HDAC9: variants seen among roughly 807,000 people sequenced by gnomAD.
HDAC9 encodes histone deacetylase 9.
A neutral mutation model predicts 139.4 loss-of-function variants in HDAC9; 41 were observed. The observed-to-expected ratio is 0.29, with a 90% CI of 0.23 to 0.38. The LOEUF (loss-of-function observed/expected upper bound fraction) is 0.38. Among genes scored for constraint, HDAC9 ranks in the 10% least tolerant of loss-of-function variants. The pLI is 1.00. For synonymous variants in HDAC9, 517 were observed against 476.2 expected (o/e 1.09, Z -1.12); for missense variants, 1,147 against 1,297.0 (o/e 0.88, Z 1.78).
upstream of HDAC9, among the ~76,000 whole-genome samples, chr7:18,285,655 T>C (rs680882): frequency 6.6e-6 from 1 of 151,830 alleles, no homozygotes; most frequent in East Asian, 1.9e-4. Flanking sequence ...AAAATGTTAA[T>C]GTTTCATAAT....
intron 1 of HDAC9, among the ~76,000 whole-genome samples, chr7:18,485,379 T>C (rs1377267211): frequency 1.3e-5 from 2 of 151,828 alleles, no homozygotes; most frequent in Non-Finnish European, 2.9e-5. Flanking sequence ...GAATGGTTTG[T>C]TTAGCAGCCT....
At position 18,757,069 on chromosome 7, in the gene HDAC9, G is replaced by GT. The variant is rs200979434; in HGVS notation, c.2044-5079dup. 4.6e-3 allele frequency among the ~76,000 whole-genome samples: 697 copies of GT among 150,918 alleles called. 5 individuals carry two copies. Among genetic ancestry groups the GT allele is most frequent in the African/African-American group, 0.014 (559 of 41,104 alleles). The stretch of plus-strand genomic sequence containing the variant: ...ATAAGCAATGAGATCATATTTTTAT[G>GT]TTTTTTTTTAAGAAAGACAGATAGA... On this transcript the variant is annotated intron_variant, in intron 14 of 25. Coordinates refer to ENST00000686413, the MANE Select transcript of HDAC9 (RefSeq NM_178425.4).
intron 16 of HDAC9, among the ~76,000 whole-genome samples, chr7:18,767,989 G>T (rs1048533177): frequency 6.6e-6 from 1 of 152,184 alleles, no homozygotes; most frequent in Non-Finnish European, 1.5e-5. Flanking sequence ...TTGATGCAAA[G>T]AAATCTTGAA....
At chr7:18,770,556 A>C (rs1021343772) in intron 16 of HDAC9, among the ~76,000 whole-genome samples, 1 of 152,142 alleles carries the variant, frequency 6.6e-6, no homozygotes, top group Non-Finnish European at 1.5e-5. Context: ...AAAACCCACA[A>C]AAGCAAGGAC....
chr7:18,803,795 T>C (rs1793491372), intron 17 of HDAC9, among the ~76,000 whole-genome samples: 1 of 152,178 alleles, frequency 6.6e-6, no homozygotes. Context: ...ATATACGTAT[T>C]AGGAAAATCA....
chr7:18,418,201 A>G (rs1789268337), intron 1 of HDAC9, among the ~76,000 whole-genome samples: 1 of 152,130 alleles, frequency 6.6e-6, no homozygotes. Context: ...GGGTAAATTC[A>G]ATTCCTGCTA....
chr7:18,832,201 T>C (rs1322196887), intron 19 of HDAC9, among the ~76,000 whole-genome samples: 1 of 152,234 alleles, frequency 6.6e-6, no homozygotes. Context: ...ATGACTCAGG[T>C]AGCTTTTAGG....
chr7:18,540,885 C>A (rs527584856), intron 2 of HDAC9, among the ~76,000 whole-genome samples: 13 of 152,086 alleles, frequency 8.5e-5, no homozygotes, highest in Non-Finnish European at 1.8e-4. Flanking sequence ...CATATGTTAA[C>A]CTACATGATT....
At position 18,558,396 on chromosome 7, in the gene HDAC9, C is replaced by A. The variant is rs192446187; in HGVS notation, c.23-26885C>A. Among the ~76,000 whole-genome samples the A allele has an allele frequency of 1.4e-3, 212 of 152,198 alleles. 2 individuals are homozygous for A. The highest frequency in any genetic ancestry group is 1.7e-3 in the South Asian group (8 of 4,828). On this transcript the variant is annotated intron_variant, in intron 2 of 25. Coordinates refer to ENST00000686413, the MANE Select transcript of HDAC9 (RefSeq NM_178425.4). ...ATGCTATCTCAAGGTCTTTGTTCTG[C>A]CAAGGTCATCTAAAAGCTACACAGC... is the stretch of plus-strand genomic sequence containing the variant.
intron 2 of HDAC9, among the ~76,000 whole-genome samples, chr7:18,182,704 C>A (rs1336574383): frequency 2.6e-5 from 4 of 152,164 alleles, no homozygotes; most frequent in Non-Finnish European, 5.9e-5. Context: ...CAAGGTCTTA[C>A]AGTAAATCTA....
At chr7:18,325,719 T>C (rs1368479122) in intron 1 of HDAC9, 2 of 152,144 alleles carry the variant, frequency 1.3e-5, no homozygotes, top group Non-Finnish European at 2.9e-5. Context: ...TGTCACTGGC[T>C]GTAAATAATG....
intron 17 of HDAC9, among the ~76,000 whole-genome samples, chr7:18,797,890 A>C (rs559121297): frequency 6.6e-6 from 1 of 152,204 alleles, no homozygotes; most frequent in African/African-American, 2.4e-5. Context: ...TTGCTTTATA[A>C]AAATGGAACC....
chr7:18,248,127 T>A (rs1794678168), intron 2 of HDAC9, among the ~76,000 whole-genome samples: 2 of 152,230 alleles, frequency 1.3e-5, no homozygotes, highest in African/African-American at 4.8e-5. Context: ...TTATTAAATG[T>A]ATTATGTATA....
chr7:18,941,823 A>G (rs1782049936), intron 23 of HDAC9, among the ~76,000 whole-genome samples: 1 of 151,310 alleles, frequency 6.6e-6, no homozygotes, highest in African/African-American at 2.4e-5. Context: ...GTGGCCTGTG[A>G]TGTTGCATTT....
chr7:18,203,280 G>T (rs1481533814), intron 2 of HDAC9, among the ~76,000 whole-genome samples: 1 of 152,082 alleles, frequency 6.6e-6, no homozygotes, highest in Non-Finnish European at 1.5e-5. Flanking sequence ...GAAATATGAG[G>T]ATTTCAGGCA....
At chr7:18,700,826 G>A (rs565009452) in intron 12 of HDAC9, among the ~76,000 whole-genome samples, 1 of 152,164 alleles carries the variant, frequency 6.6e-6, no homozygotes, top group Non-Finnish European at 1.5e-5. Flanking sequence ...GTAGCCAGAA[G>A]TTGCTGGCCC....
chr7:18,485,904 T>G (rs1231521182), intron 1 of HDAC9, among the ~76,000 whole-genome samples: 2 of 152,148 alleles, frequency 1.3e-5, no homozygotes. Context: ...TTATTTGAAA[T>G]GTTATTGTCT....
At chr7:18,798,200 G>T (rs1008912420) in intron 17 of HDAC9, among the ~76,000 whole-genome samples, 1 of 152,098 alleles carries the variant, frequency 6.6e-6, no homozygotes, top group African/African-American at 2.4e-5. Context: ...AATTTCAGGA[G>T]GTAATGCCAA....
rs146156490 is a variant in HDAC9, at chr7:18,709,555, A to G, written c.1732-18025A>G. ...GAACTAGATTAAAATTTAGAAACAT[A>G]TCTCAGAGTTTTTGAAACCCCAAAT... is the stretch of plus-strand genomic sequence containing the variant. On this transcript the variant is annotated intron_variant, in intron 12 of 25. Transcript: ENST00000686413. 1.1e-3 allele frequency among the ~76,000 whole-genome samples: 168 copies of G among 152,244 alleles called. 1 individual carries two copies. The highest frequency in any genetic ancestry group is 3.9e-3 in the African/African-American group (162 of 41,488).
Sources: allele counts gnomAD v4.1 joint callset (sites outside exome capture counted in the v4.1 genomes callset), GRCh38; gene constraint gnomAD v4.1.1; transcripts MANE v1.5; gene names NCBI Gene and HGNC (gene_info 2026-07-23, HGNC 2026-07-21).